MAPKAPK2: variants seen among roughly 807,000 people sequenced by gnomAD.
MAPKAPK2 encodes MAP kinase-activated protein kinase 2.
MAPKAPK2 carries 9 observed loss-of-function variants against 48.8 expected under a neutral mutation model. That is an observed-to-expected ratio of 0.18 (90% confidence interval 0.11 to 0.32). MAPKAPK2 has a LOEUF of 0.32. MAPKAPK2 is among the 10% of genes least tolerant of loss of function. The pLI is 1.00. For missense variants in MAPKAPK2, 331 were observed against 498.3 expected, an observed-to-expected ratio of 0.66 and a Z score of 3.20; for synonymous variants, 202 against 190.6, an observed-to-expected ratio of 1.06 and a Z score of -0.49.
chr1:206,729,433 C>T lies in MAPKAPK2; in HGVS notation c.522C>T (p.Ile174=). 6.2e-7 allele frequency: 1 copy of T among 1,614,148 alleles called. No individual in the cohort carries two copies. Among genetic ancestry groups the T allele is most frequent in the Non-Finnish European group, 8.5e-7 (1 of 1,179,994 alleles). The change falls in exon 4 of 10, where the codon ATC becomes ATT. Residue 174 remains isoleucine, a synonymous_variant. Transcript: ENST00000367103. ...SEIMKSIGEA[I]QYLHSINIAH... ...TCATGAAGAGCATCGGTGAGGCCAT[C>T]CAGTATCTGCATTCAATCAACATTG...
At chr1:206,702,357 C>CA (rs1553428039) in intron 1 of MAPKAPK2, among the ~76,000 whole-genome samples, 1 of 152,222 alleles carries the variant, frequency 6.6e-6, no homozygotes, top group African/African-American at 2.4e-5. Flanking sequence ...TGGCATGCGT[C>CA]AGAGTGCTTG....
At chr1:206,720,636 G>A (rs1324297780) in intron 1 of MAPKAPK2, among the ~76,000 whole-genome samples, 2 of 152,216 alleles carry the variant, frequency 1.3e-5, no homozygotes, top group Non-Finnish European at 2.9e-5. Context: ...TGGGGTTATA[G>A]ATGTGAGCCA....
rs1178628425 is a variant in MAPKAPK2 at position 206,685,124 on chromosome 1, G to C, written c.-106G>C. 2.4e-5 allele frequency: 5 copies of C among 212,578 alleles called. No homozygotes were observed. Among genetic ancestry groups the C allele is most frequent in the African/African-American group, 9.5e-5 (4 of 42,316 alleles). The allele number at this position is 212,578 out of a possible 1,614,324, so 13.2% of individuals were successfully genotyped here. A position where few individuals can be genotyped will look rare whatever the true frequency, so the allele number is the denominator to read the frequency against. ...GGGTCGGGGAAGCCGGCTCCAGCCC[G>C]GAGCGAACTTCGCAGCCCGTCGGGG... On this transcript the variant is annotated 5_prime_UTR_variant, in exon 1 of 10. Transcript: ENST00000367103.
At chr1:206,695,451 T>G (rs1260507288) in intron 1 of MAPKAPK2, among the ~76,000 whole-genome samples, 41 of 118,440 alleles carry the variant, frequency 3.5e-4, no homozygotes, top group Admixed American at 2.2e-3. Flanking sequence ...CCCTGATCTG[T>G]TTTTTTTTTT....
chr1:206,700,181 T>C (rs1672757732), intron 1 of MAPKAPK2, among the ~76,000 whole-genome samples: 1 of 152,160 alleles, frequency 6.6e-6, no homozygotes, highest in Non-Finnish European at 1.5e-5. Context: ...TCTCCTTTCC[T>C]CTGAGAGGTT....
At chr1:206,728,322 C>A (rs1414084231) in intron 1 of MAPKAPK2, among the ~76,000 whole-genome samples, 2 of 152,046 alleles carry the variant, frequency 1.3e-5, no homozygotes, top group African/African-American at 4.8e-5. Flanking sequence ...TTCTCTCTAG[C>A]CCCCTTTCCA....
chr1:206,719,012 T>C (rs1167751529), intron 1 of MAPKAPK2, among the ~76,000 whole-genome samples: 5 of 152,214 alleles, frequency 3.3e-5, no homozygotes, highest in Admixed American at 3.3e-4. Flanking sequence ...GGTGAAATTA[T>C]CATCTTTTTT....
At chr1:206,712,880 C>T (rs1673199521) in intron 1 of MAPKAPK2, among the ~76,000 whole-genome samples, 1 of 151,570 alleles carries the variant, frequency 6.6e-6, no homozygotes, top group Non-Finnish European at 1.5e-5. Flanking sequence ...GCACGAGAAT[C>T]TCTTGGACCC....
intron 1 of MAPKAPK2, among the ~76,000 whole-genome samples, chr1:206,722,188 G>C (rs1048479311): frequency 1.3e-5 from 2 of 151,664 alleles, no homozygotes; most frequent in African/African-American, 4.8e-5. Flanking sequence ...GTGAAACCCC[G>C]TCCCTACTAA....
Position 206,685,311 on chromosome 1 carries a change from CTGCCGCA to C in MAPKAPK2, c.83_89del (p.Leu28ProfsTer106). 4.0e-6 allele frequency: 5 copies of C among 1,248,360 alleles called. No individual in the cohort carries two copies. Among genetic ancestry groups the C allele is most frequent in the Non-Finnish European group, 3.2e-6 (3 of 928,784 alleles). 77.3% of individuals were successfully genotyped at this position (1,248,360 alleles called of 1,614,324 possible). A position where few individuals can be genotyped will look rare whatever the true frequency, so the allele number is the denominator to read the frequency against. The stretch of plus-strand genomic sequence containing the variant: ...GCCGCCGCAGCCCCCCACCCCTGCC[CTGCCGCA>C]CCCCCCGGCGCAGCCGCCGCCGCCG... On this transcript the variant is annotated frameshift_variant, in exon 1 of 10. Coordinates refer to ENST00000367103, the MANE Select transcript of MAPKAPK2 (RefSeq NM_032960.4). LOFTEE classifies it high-confidence loss of function.
At chr1:206,707,865 C>A (rs1673014341) in intron 1 of MAPKAPK2, among the ~76,000 whole-genome samples, 1 of 152,184 alleles carries the variant, frequency 6.6e-6, no homozygotes, top group African/African-American at 2.4e-5. Flanking sequence ...AGACTTCTTG[C>A]ATTTTGCCTA....
chr1:206,728,273 T>A (rs1673773013), intron 1 of MAPKAPK2, among the ~76,000 whole-genome samples: 3 of 152,102 alleles, frequency 2.0e-5, no homozygotes, highest in Admixed American at 6.6e-5. Context: ...GTCTGAGTAA[T>A]TGCTGAGGGG....
At chr1:206,685,581 T>G in intron 1 of MAPKAPK2, 73 bp downstream of exon 1, 1 of 1,273,032 alleles carries the variant, frequency 7.9e-7, no homozygotes, top group Non-Finnish European at 1.0e-6. Flanking sequence ...CGGGTGCCCG[T>G]CCCGGCCTGG....
intron 1 of MAPKAPK2, among the ~76,000 whole-genome samples, chr1:206,711,717 A>C (rs1474001795): frequency 6.7e-6 from 1 of 150,024 alleles, no homozygotes; most frequent in Non-Finnish European, 1.5e-5. Flanking sequence ...TCCCAGGCTC[A>C]AGTGATCCTC....
chr1:206,721,271 A>C (rs925841614), intron 1 of MAPKAPK2, among the ~76,000 whole-genome samples: 1 of 152,164 alleles, frequency 6.6e-6, no homozygotes, highest in Non-Finnish European at 1.5e-5. Context: ...GCCTCACCAA[A>C]AGCAGATACT....
At chr1:206,723,773 G>C (rs1226795771) in intron 1 of MAPKAPK2, among the ~76,000 whole-genome samples, 2 of 152,236 alleles carry the variant, frequency 1.3e-5, no homozygotes, top group Non-Finnish European at 2.9e-5. Flanking sequence ...CTTCCCCTCA[G>C]GTGCTGGAAG....
intron 1 of MAPKAPK2, among the ~76,000 whole-genome samples, chr1:206,721,323 T>C (rs1421197056): frequency 2.0e-5 from 3 of 152,226 alleles, no homozygotes; most frequent in African/African-American, 7.2e-5. Context: ...AAGCCAGTTA[T>C]ATCTTTTCTT....
At chr1:206,685,944 T>G (rs1276309239) in intron 1 of MAPKAPK2, among the ~76,000 whole-genome samples, 1 of 152,056 alleles carries the variant, frequency 6.6e-6, no homozygotes, top group Non-Finnish European at 1.5e-5. Context: ...GTTGGTCGGT[T>G]GGTTTGGAGA....
chr1:206,707,946 A>T (rs1468343262), intron 1 of MAPKAPK2, among the ~76,000 whole-genome samples: 3 of 152,190 alleles, frequency 2.0e-5, no homozygotes, highest in African/African-American at 7.2e-5. Flanking sequence ...TCTAAAAAAA[A>T]TGGTTTCCAC....
Sources: gnomAD v4.1 joint callset for allele counts (sites outside exome capture counted in the v4.1 genomes callset) on GRCh38, gnomAD v4.1.1 for gene constraint, MANE v1.5 for transcripts, NCBI Gene and HGNC (gene_info 2026-07-23, HGNC 2026-07-21) for gene names.